CACNB4: variants seen among roughly 807,000 people sequenced by gnomAD.
CACNB4 encodes the protein voltage-dependent L-type calcium channel subunit beta-4.
A neutral mutation model predicts 71.2 loss-of-function variants in CACNB4; 32 were observed. The observed-to-expected ratio is 0.45, with a 90% CI of 0.34 to 0.60. CACNB4 has a LOEUF of 0.60. Ranked by LOEUF, CACNB4 falls within the 20% of genes least tolerant of loss-of-function variation. CACNB4 has a pLI of 0.01. For synonymous variants in CACNB4, 231 were observed against 236.9 expected, an observed-to-expected ratio of 0.97 and a Z score of 0.23; for missense variants, 464 against 647.9, an observed-to-expected ratio of 0.72 and a Z score of 3.08.
At chr2:152,067,388 TGG>T (rs56725916) in intron 2 of CACNB4, among the ~76,000 whole-genome samples, 22 of 137,160 alleles carry the variant, frequency 1.6e-4, no homozygotes, top group Admixed American at 5.7e-4. Flanking sequence ...TGTGTGTGTG[TGG>T]GGGGGGGGGT....
At chr2:151,939,561 T>C (rs961390621) in intron 2 of CACNB4, among the ~76,000 whole-genome samples, 2 of 152,192 alleles carry the variant, frequency 1.3e-5, no homozygotes, top group Non-Finnish European at 2.9e-5. Context: ...ACCATTTCTG[T>C]AATCTCCCTC....
chr2:151,938,032 AAT>A (rs2099863358), intron 2 of CACNB4, among the ~76,000 whole-genome samples: 1 of 152,322 alleles, frequency 6.6e-6, no homozygotes, highest in African/African-American at 2.4e-5. Flanking sequence ...GTCCTAACCC[AAT>A]ATCTTGAGTT....
chr2:151,839,458 G>C, intron 13 of CACNB4, 79 bp from the exon 14 acceptor site: 1 of 1,137,918 alleles, frequency 8.8e-7, no homozygotes, highest in Admixed American at 2.0e-5. Flanking sequence ...TAAAATCATA[G>C]GATCTGTACA....
intron 3 of CACNB4, among the ~76,000 whole-genome samples, chr2:151,882,507 C>T (rs185149583): frequency 1.8e-4 from 27 of 152,232 alleles, no homozygotes. Flanking sequence ...CGGCCATGAC[C>T]TTGTCTTGTA....
intron 2 of CACNB4, chr2:151,974,132 A>G (rs2099873335): frequency 1.1e-5 from 2 of 188,686 alleles, no homozygotes; most frequent in African/African-American, 2.4e-5. Context: ...ATAAACACTT[A>G]TCAATATCCA....
rs577706762 is a variant in CACNB4 at position 152,017,843 on chromosome 2, C to CT, written c.147+80486dup. 1.8e-3 allele frequency among the ~76,000 whole-genome samples: 263 copies of CT among 147,282 alleles called. 5 individuals carry two copies. The South Asian group carries it at 0.033, about 19-fold the overall frequency. On this transcript the variant is annotated intron_variant, in intron 2 of 13. Coordinates refer to ENST00000539935, the MANE Select transcript of CACNB4 (RefSeq NM_000726.5). ...TTTTAATTTTACACACAATTCTTTT[C>CT]TTTTTTTTTTATGGAATTTCGCTCT...
chr2:152,098,729 G>A lies in CACNB4; in HGVS notation c.63+220C>T, dbSNP rs565240012. On this transcript the variant is annotated intron_variant, in intron 1 of 13. Coordinates refer to ENST00000539935, the MANE Select transcript of CACNB4 (RefSeq NM_000726.5). The surrounding 1 kb of genome is among the most constrained non-coding windows in gnomAD (Gnocchi z 5.3). ...CTGCGGGCTCCGGAGCGGGAGCGCA[G>A]AGACCCGAAGGAGGGTGAGGAGGAG... 57 of 1,547,668 alleles carry A rather than the reference G, an allele frequency of 3.7e-5. No individual in the cohort carries two copies. In the South Asian group the frequency reaches 6.0e-4, roughly 16 times the overall value.
At chr2:151,921,192 A>AAG (rs1311153793) in intron 2 of CACNB4, among the ~76,000 whole-genome samples, 2 of 149,954 alleles carry the variant, frequency 1.3e-5, no homozygotes, top group East Asian at 1.9e-4. Flanking sequence ...TAAGTTAAAA[A>AAG]AAAACACCTT....
Position 151,876,477 on chromosome 2 carries a change from A to C in CACNB4, c.470T>G (p.Leu157Trp), listed in dbSNP as rs1553757068. 17 of 1,606,596 alleles carry C rather than the reference A, an allele frequency of 1.1e-5. No individual in the cohort carries two copies. Among genetic ancestry groups the C allele is most frequent in the Non-Finnish European group, 1.4e-5 (17 of 1,175,026 alleles). ...EIGFIPSPLR[L>W]ENIRIQQEQK... ...TTCTTGCTGGATCCGTATGTTCTCC[A>C]ATCTGAGTGGACTTGGAATGAAGCC... The change falls in exon 5 of 14, where the codon TTG becomes TGG. Residue 157 changes from leucine (L) to tryptophan (W), a missense_variant. Leu to Trp is a moderately conservative substitution (Grantham distance 61). Transcript: ENST00000539935.
chr2:151,920,034 A>G (rs1357610935), intron 2 of CACNB4, among the ~76,000 whole-genome samples: 1 of 152,232 alleles, frequency 6.6e-6, no homozygotes, highest in African/African-American at 2.4e-5. Context: ...ATGCCTTGCA[A>G]TTAGCTCCTC....
At chr2:151,883,620 A>G (rs1405112269) in intron 2 of CACNB4, 2 of 487,416 alleles carry the variant, frequency 4.1e-6, no homozygotes, top group East Asian at 8.1e-5. Flanking sequence ...AATGAAAATT[A>G]TGTGATACTC....
chr2:151,853,434 A>T lies in CACNB4; in HGVS notation c.1116+14T>A. The T allele has an allele frequency of 1.3e-6, 2 of 1,529,180 alleles. No homozygotes were observed. The highest frequency in any genetic ancestry group is 1.8e-6 in the Non-Finnish European group (2 of 1,121,596). 94.7% of individuals were successfully genotyped at this position (1,529,180 alleles called of 1,614,324 possible). ...TAGTCAAGAATGATGAAGACAAAAAATGATCATACTTACTGGGGGGCATTG... is the reference window on the plus strand; with the variant it reads ...TAGTCAAGAATGATGAAGACAAAAATTGATCATACTTACTGGGGGGCATTG... On this transcript the variant is annotated intron_variant, in intron 12 of 13. Transcript: ENST00000539935.
At chr2:151,860,530 G>A in intron 10 of CACNB4, 181 bp downstream of exon 10, 1 of 611,020 alleles carries the variant, frequency 1.6e-6, no homozygotes, top group Admixed American at 3.1e-5. Flanking sequence ...CTGAGAGACA[G>A]CAAGCTCTCG....
intron 9 of CACNB4, among the ~76,000 whole-genome samples, chr2:151,863,773 G>A (rs1282581974): frequency 2.0e-5 from 3 of 152,138 alleles, no homozygotes; most frequent in Non-Finnish European, 4.4e-5. Context: ...TACAGGGAAA[G>A]ATGCAGACAA....
intron 2 of CACNB4, among the ~76,000 whole-genome samples, chr2:152,063,821 G>C (rs187848730): frequency 6.6e-6 from 1 of 152,154 alleles, no homozygotes; most frequent in East Asian, 1.9e-4. Context: ...TGTCTTCCTA[G>C]AAGAATGAAA....
chr2:152,033,152 G>C (rs1399987602), intron 2 of CACNB4, among the ~76,000 whole-genome samples: 2 of 152,228 alleles, frequency 1.3e-5, no homozygotes, highest in Non-Finnish European at 2.9e-5. Context: ...CTTGAGAGCA[G>C]AAAGAAGACC....
chr2:151,834,873 G>A lies in CACNB4; in HGVS notation c.*4246C>T, dbSNP rs567629285. 1 of 151,988 alleles carries A rather than the reference G, an allele frequency of 6.6e-6. No homozygotes were observed. The highest frequency in any genetic ancestry group is 1.9e-4 in the East Asian group (1 of 5,190). The allele number at this position is 151,988 out of a possible 1,614,324, so 9.4% of individuals were successfully genotyped here. A position where few individuals can be genotyped will look rare whatever the true frequency, so the allele number is the denominator to read the frequency against. On this transcript the variant is annotated 3_prime_UTR_variant, in exon 14 of 14. Transcript: ENST00000539935. ...TTCCTATAAATTTTTCATTCATACA[G>A]TCATTCAAGGATGAGTTTTATATAA...
intron 2 of CACNB4, among the ~76,000 whole-genome samples, chr2:152,033,263 C>T (rs890014020): frequency 6.6e-6 from 1 of 152,238 alleles, no homozygotes; most frequent in Non-Finnish European, 1.5e-5. Flanking sequence ...TTTTGACTTG[C>T]TGAAGCAAAT....
intron 2 of CACNB4, among the ~76,000 whole-genome samples, chr2:151,898,444 G>A (rs912104635): frequency 2.0e-5 from 3 of 152,102 alleles, no homozygotes; most frequent in Non-Finnish European, 4.4e-5. Context: ...AACAAAACGA[G>A]CCAACCCACC....
Sources: allele counts gnomAD v4.1 joint callset (sites outside exome capture counted in the v4.1 genomes callset), GRCh38; gene constraint gnomAD v4.1.1; non-coding constraint Gnocchi (gnomAD v3.1); transcripts MANE v1.5; gene names NCBI Gene and HGNC (gene_info 2026-07-23, HGNC 2026-07-21).